GABRA2: variants seen among roughly 807,000 people sequenced by gnomAD.
GABRA2 encodes the protein gamma-aminobutyric acid receptor subunit alpha-2.
In GABRA2, 16 loss-of-function variants were observed where a neutral mutation model predicts 48.7. That is an observed-to-expected ratio of 0.33 (90% CI 0.22 to 0.50). GABRA2 has a LOEUF of 0.50. Among genes scored for constraint, GABRA2 ranks in the 20% least tolerant of loss-of-function variants. GABRA2 has a pLI of 0.98. For missense variants in GABRA2, 275 were observed against 535.6 expected (o/e 0.51, Z 4.80); for synonymous variants, 185 against 184.5 (o/e 1.00, Z -0.02).
intron 9 of GABRA2, among the ~76,000 whole-genome samples, chr4:46,252,530 C>A (rs1409398728): frequency 6.6e-6 from 1 of 151,392 alleles, no homozygotes; most frequent in East Asian, 2.0e-4. Flanking sequence ...ACCAGGTCTG[C>A]GCCTATTAAA....
chr4:46,380,297 A>G (rs531575817), intron 3 of GABRA2, among the ~76,000 whole-genome samples: 1 of 152,288 alleles, frequency 6.6e-6, no homozygotes, highest in African/African-American at 2.4e-5. Context: ...GGTTTTGTTC[A>G]TGTACAAAGA....
At chr4:46,386,301 C>A (rs956188163) in intron 2 of GABRA2, 112 bp from the exon 3 acceptor site, 2 of 616,928 alleles carry the variant, frequency 3.2e-6, no homozygotes, top group Admixed American at 3.5e-5. Context: ...ATTAGTACCA[C>A]CCGTTTTCCT....
intron 3 of GABRA2, among the ~76,000 whole-genome samples, chr4:46,360,566 G>A (rs1182643521): frequency 6.6e-6 from 1 of 152,134 alleles, no homozygotes; most frequent in Non-Finnish European, 1.5e-5. Context: ...GCTGAGTCTT[G>A]GGTATGTCTT....
chr4:46,291,417 A>G (rs1438906205), intron 8 of GABRA2, among the ~76,000 whole-genome samples: 2 of 152,234 alleles, frequency 1.3e-5, no homozygotes, highest in East Asian at 3.9e-4. Flanking sequence ...GACTGGATTG[A>G]AGGATGCAAA....
intron 3 of GABRA2, among the ~76,000 whole-genome samples, chr4:46,347,323 CACT>C (rs945731416): frequency 4.0e-5 from 6 of 151,886 alleles, no homozygotes; most frequent in Non-Finnish European, 7.4e-5. Flanking sequence ...GGAGACACCA[CACT>C]ACCTGACTTC....
chr4:46,249,339 T>C lies in GABRA2; in HGVS notation c.*969A>G, dbSNP rs1362104693. ...AGAAGCCTTAAGGCAGAATTTGCAGTAAACAGGAAAGAGGAGAATCATATA... is the reference window on the plus strand; with the variant it reads ...AGAAGCCTTAAGGCAGAATTTGCAGCAAACAGGAAAGAGGAGAATCATATA... On this transcript the variant is annotated 3_prime_UTR_variant, in exon 10 of 10. Coordinates refer to ENST00000381620, the MANE Select transcript of GABRA2 (RefSeq NM_000807.4). 6.6e-6 allele frequency: 1 copy of C among 151,464 alleles called. No individual in the cohort carries two copies. Among genetic ancestry groups the C allele is most frequent in the Non-Finnish European group, 1.5e-5 (1 of 67,688 alleles). The allele number at this position is 151,464 out of a possible 1,614,324, so 9.4% of individuals were successfully genotyped here. A position where few individuals can be genotyped will look rare whatever the true frequency, so the allele number is the denominator to read the frequency against.
intron 8 of GABRA2, among the ~76,000 whole-genome samples, chr4:46,270,521 C>CT (rs1256454808): frequency 2.6e-5 from 4 of 151,850 alleles, no homozygotes; most frequent in Admixed American, 2.0e-4. Flanking sequence ...CAGACTGTTT[C>CT]TTTTTTTTAT....
intron 8 of GABRA2, among the ~76,000 whole-genome samples, chr4:46,296,650 C>A (rs1724744242): frequency 1.1e-5 from 1 of 90,532 alleles, no homozygotes; most frequent in Admixed American, 1.3e-4. Flanking sequence ...ATTACTCTAT[C>A]AGGGGGAAAA....
Position 46,244,606 on chromosome 4 carries a change from C to T in GABRA2, c.*5702G>A, listed in dbSNP as rs1346372019. Among the ~76,000 whole-genome samples, 1 of 151,340 alleles carries T rather than the reference C, an allele frequency of 6.6e-6. No homozygotes were observed. Among genetic ancestry groups the T allele is most frequent in the Non-Finnish European group, 1.5e-5 (1 of 67,598 alleles). ...TGAAATCAATACATAATCCTTGAAG[C>T]CCAATGGGATTAAATGTTATGAAAC... is the stretch of plus-strand genomic sequence containing the variant. On this transcript the variant is annotated 3_prime_UTR_variant, in exon 10 of 10. Coordinates refer to ENST00000381620, the MANE Select transcript of GABRA2 (RefSeq NM_000807.4).
chr4:46,356,898 G>T (rs1368189088), intron 3 of GABRA2, among the ~76,000 whole-genome samples: 3 of 152,022 alleles, frequency 2.0e-5, no homozygotes. Flanking sequence ...ATTGGGAAAA[G>T]AAACTGAACA....
chr4:46,326,496 GC>G, intron 4 of GABRA2, among the ~76,000 whole-genome samples: 1 of 147,300 alleles, frequency 6.8e-6, no homozygotes, highest in Non-Finnish European at 1.5e-5. Flanking sequence ...AGTGGTCTCT[GC>G]CTTTTTTTTT....
chr4:46,311,014 C>A (rs1272593703), intron 5 of GABRA2, among the ~76,000 whole-genome samples: 1 of 152,112 alleles, frequency 6.6e-6, no homozygotes, highest in East Asian at 1.9e-4. Context: ...GCAAATGTGA[C>A]CACAATTTGT....
intron 8 of GABRA2, among the ~76,000 whole-genome samples, chr4:46,273,791 A>T (rs1247629893): frequency 6.6e-6 from 1 of 151,944 alleles, no homozygotes; most frequent in Non-Finnish European, 1.5e-5. Flanking sequence ...GTTGGCCATG[A>T]TCCTGAGGTT....
chr4:46,347,815 G>C (rs1456995712), intron 3 of GABRA2, among the ~76,000 whole-genome samples: 1 of 151,836 alleles, frequency 6.6e-6, no homozygotes, highest in Non-Finnish European at 1.5e-5. Flanking sequence ...AAAAAACACA[G>C]ACTGGGAGAA....
intron 4 of GABRA2, among the ~76,000 whole-genome samples, chr4:46,314,080 G>A (rs1728143653): frequency 6.6e-6 from 1 of 151,912 alleles, no homozygotes; most frequent in Non-Finnish European, 1.5e-5. Context: ...TAGTGAGCGT[G>A]GGCTCACTAT....
chr4:46,312,673 T>C lies in GABRA2; in HGVS notation c.299A>G (p.Glu100Gly). The change falls in exon 5 of 10, where the codon GAA (glutamate) becomes GGA (glycine). Residue 100 changes from glutamate to glycine, a missense_variant. Transcript: ENST00000381620. ...CATAGGACCTTTAAATTTTAAACGT[T>C]CATCTTTCCATTTTTGTCGAAAGAA... ...DVFFRQKWKDERLKFKGPMNI... is the reference protein window; with the variant it reads ...DVFFRQKWKDGRLKFKGPMNI... 1 of 1,521,840 alleles carries C rather than the reference T, an allele frequency of 6.6e-7. No homozygotes were observed. The highest frequency in any genetic ancestry group is 8.8e-7 in the Non-Finnish European group (1 of 1,141,586). 94.3% of individuals were successfully genotyped at this position (1,521,840 alleles called of 1,614,324 possible).
At chr4:46,258,314 A>G (rs1476014273) in intron 9 of GABRA2, among the ~76,000 whole-genome samples, 1 of 151,860 alleles carries the variant, frequency 6.6e-6, no homozygotes, top group East Asian at 1.9e-4. Flanking sequence ...ATGCAATTAC[A>G]AACTACGATA....
intron 3 of GABRA2, among the ~76,000 whole-genome samples, chr4:46,347,836 A>G (rs950033067): frequency 2.0e-5 from 3 of 151,774 alleles, no homozygotes; most frequent in Non-Finnish European, 4.4e-5. Context: ...AATATTTACA[A>G]ATCATAAGTC....
intron 7 of GABRA2, among the ~76,000 whole-genome samples, chr4:46,305,285 G>GA (rs1156647320): frequency 1.0e-5 from 1 of 98,198 alleles, no homozygotes; most frequent in Non-Finnish European, 1.9e-5. Flanking sequence ...AGGGGGGAGG[G>GA]ATAGCATTAG....
Sources: gnomAD v4.1 joint callset for allele counts (sites outside exome capture counted in the v4.1 genomes callset) on GRCh38, gnomAD v4.1.1 for gene constraint, MANE v1.5 for transcripts, NCBI Gene and HGNC (gene_info 2026-07-23, HGNC 2026-07-21) for gene names.